The following HIGD1C variants were observed in gnomAD, a reference collection of about 807,000 sequenced individuals.
HIGD1C encodes the protein HIG1 domain family member 1C.
In HIGD1C, 11 loss-of-function variants were observed where a neutral mutation model predicts 13.1. The observed-to-expected ratio is 0.84, with a 90% confidence interval of 0.53 to 1.39. The LOEUF is 1.39. Among genes scored for constraint, HIGD1C ranks in the 40% most tolerant of loss-of-function variants. HIGD1C has a pLI of 0.00. For missense variants in HIGD1C, 110 were observed against 112.0 expected (o/e 0.98, Z 0.08); for synonymous variants, 36 against 37.7 (o/e 0.95, Z 0.17).
At chr12:50,960,846 C>T (rs1445036986) in intron 1 of HIGD1C, 122 bp from the exon 4 acceptor site, 1 of 777,468 alleles carries the variant, frequency 1.3e-6, no homozygotes, top group East Asian at 2.9e-5. Flanking sequence ...CCATGTGTGG[C>T]TAATTTTTTT....
the HIGD1C span, among the ~76,000 whole-genome samples, chr12:50,940,849 TTC>T: frequency 6.6e-6 from 1 of 151,914 alleles, no homozygotes; most frequent in Non-Finnish European, 1.5e-5. Context: ...AATTTTTCTT[TTC>T]TTTTTTTTCT....
At chr12:50,967,219 TATCCTCCTGCCTCTTCTGGGCTTAAGAG>T (rs1263208846) in intron 2 of HIGD1C, among the ~76,000 whole-genome samples, 17 of 152,096 alleles carry the variant, frequency 1.1e-4, no homozygotes, top group Non-Finnish European at 2.1e-4. Flanking sequence ...GGGCTCAAGA[TATCCTCCTGCCTCTTCTGGGCTTAAGAG>T]ATCCTCCTGC....
At chr12:50,971,546 C>T (rs1022130002), downstream of HIGD1C, among the ~76,000 whole-genome samples, 3 of 152,160 alleles carry the variant, frequency 2.0e-5, no homozygotes, top group African/African-American at 7.2e-5. Context: ...GTAGAAAACA[C>T]AAGAAACCAA....
chr12:50,962,997 G>A (rs764957360), intron 2 of HIGD1C, among the ~76,000 whole-genome samples: 5 of 150,364 alleles, frequency 3.3e-5, no homozygotes, highest in Admixed American at 6.6e-5. Context: ...ACAGGTATTT[G>A]AACTTATATA....
chr12:50,959,017 A>G (rs1386371551), intron 1 of HIGD1C, among the ~76,000 whole-genome samples: 1 of 152,096 alleles, frequency 6.6e-6, no homozygotes, highest in Admixed American at 6.5e-5. Context: ...ACTCTGTCTC[A>G]AAAGAAAAAC....
At chr12:50,946,230 G>A in the HIGD1C span, among the ~76,000 whole-genome samples, 2 of 152,186 alleles carry the variant, frequency 1.3e-5, no homozygotes, top group African/African-American at 2.4e-5. Flanking sequence ...ATTGACAAAT[G>A]GGATCTAATT....
chr12:50,932,341 C>T, the HIGD1C span: 2 of 152,148 alleles, frequency 1.3e-5, no homozygotes, highest in Non-Finnish European at 2.9e-5. Flanking sequence ...AAAATCATCA[C>T]AAGTGCCTCT....
At chr12:50,970,327 CTTTG>C (rs1939716384) in intron 2 of HIGD1C, 111 bp from the exon 5 acceptor site, 16 of 690,966 alleles carry the variant, frequency 2.3e-5, no homozygotes, top group Non-Finnish European at 4.1e-5. Context: ...GAAGGAGGGC[CTTTG>C]TTTGTTTCTG....
the HIGD1C span, among the ~76,000 whole-genome samples, chr12:50,942,905 G>A: frequency 4.6e-5 from 6 of 130,620 alleles, no homozygotes; most frequent in Non-Finnish European, 9.7e-5. Flanking sequence ...CACTCTTGTT[G>A]CCCAGGGCGG....
chr12:50,957,821 G>T (rs1455775690), intron 1 of HIGD1C, among the ~76,000 whole-genome samples: 2 of 151,958 alleles, frequency 1.3e-5, no homozygotes, highest in Non-Finnish European at 2.9e-5. Context: ...GGAGGTGGGG[G>T]TTGCAGTGAG....
At chr12:50,954,044 T>A in exon 1 of HIGD1C, 2 of 1,613,502 alleles carry the variant, frequency 1.2e-6, no homozygotes, top group Non-Finnish European at 1.7e-6. Context: ...TGAAGGCCAA[T>A]TATCCCGACT....
At chr12:50,946,456 T>A in the HIGD1C span, among the ~76,000 whole-genome samples, 1 of 152,212 alleles carries the variant, frequency 6.6e-6, no homozygotes, top group Non-Finnish European at 1.5e-5. Flanking sequence ...AAGACATTTA[T>A]GCAGCCAACA....
intron 1 of HIGD1C, among the ~76,000 whole-genome samples, chr12:50,957,168 T>C (rs1256842693): frequency 6.6e-6 from 1 of 152,082 alleles, no homozygotes; most frequent in Non-Finnish European, 1.5e-5. Flanking sequence ...TATGCCAACA[T>C]AGTTATTCCA....
intron 2 of HIGD1C, 125 bp from the exon 5 acceptor site, chr12:50,970,317 G>A: frequency 3.0e-6 from 2 of 672,194 alleles, no homozygotes; most frequent in South Asian, 3.6e-5. Flanking sequence ...AAACTAGTAA[G>A]AAGGAGGGCC....
At chr12:50,934,518 C>T in the HIGD1C span, among the ~76,000 whole-genome samples, 1 of 152,142 alleles carries the variant, frequency 6.6e-6, no homozygotes, top group Admixed American at 6.5e-5. Flanking sequence ...GCTTAGAGCC[C>T]TGAATAACTA....
intron 1 of HIGD1C, among the ~76,000 whole-genome samples, chr12:50,956,439 G>A (rs904582935): frequency 2.0e-5 from 3 of 152,154 alleles, no homozygotes; most frequent in South Asian, 2.1e-4. Flanking sequence ...TTTAGCTATT[G>A]TCATTTTAAC....
At chr12:50,969,734 C>G (rs1432191624) in intron 2 of HIGD1C, among the ~76,000 whole-genome samples, 1 of 151,352 alleles carries the variant, frequency 6.6e-6, no homozygotes, top group Non-Finnish European at 1.5e-5. Context: ...AAACGTCATA[C>G]TTACAATAAT....
At chr12:50,948,917 G>GA in the HIGD1C span, among the ~76,000 whole-genome samples, 1 of 2,288 alleles carries the variant, frequency 4.4e-4, no homozygotes, top group African/African-American at 2.2e-3. Flanking sequence ...AGGGGGGGAG[G>GA]GGGGGAGGGG....
chr12:50,969,234 C>T (rs546322381), intron 2 of HIGD1C, among the ~76,000 whole-genome samples: 81 of 152,064 alleles, frequency 5.3e-4, no homozygotes, highest in African/African-American at 1.9e-3. Flanking sequence ...GCGGAGGCTG[C>T]AGTGAGCCAA....
Sources: allele counts gnomAD v4.1 joint callset (sites outside exome capture counted in the v4.1 genomes callset), GRCh38; gene constraint gnomAD v4.1.1; transcripts MANE v1.5; gene names NCBI Gene and HGNC (gene_info 2026-07-23, HGNC 2026-07-21).